The following BAZ2B variants were observed in gnomAD, a reference collection of about 807,000 sequenced individuals.
The protein encoded by BAZ2B is bromodomain adjacent to zinc finger domain protein 2B.
In BAZ2B, 91 loss-of-function variants were observed where a neutral mutation model predicts 246.0. The ratio of observed to expected loss-of-function variants is 0.37; its 90% CI spans 0.31 to 0.44. The LOEUF (loss-of-function observed/expected upper bound fraction) is 0.44. BAZ2B is among the 20% of genes least tolerant of loss of function. The pLI is 1.00. For missense variants in BAZ2B, 2,332 were observed against 2,533.7 expected (o/e 0.92, Z 1.71); for synonymous variants, 855 against 860.0 (o/e 0.99, Z 0.10).
In BAZ2B at chr2:159,397,335, A is replaced by T; in HGVS notation, c.3009+10T>A. ...ACATTCAACAATTGTATAACTATAC[A>T]TATACAGACCTGATGTTTCAGAAGA... is the stretch of plus-strand genomic sequence containing the variant. On this transcript the variant is annotated intron_variant, in intron 19 of 36. Transcript: ENST00000392783. 6.6e-7 allele frequency: 1 copy of T among 1,524,780 alleles called. No homozygotes were observed. The highest frequency in any genetic ancestry group is 9.0e-7 in the Non-Finnish European group (1 of 1,116,840). The allele number at this position is 1,524,780 out of a possible 1,614,324, so 94.5% of individuals were successfully genotyped here.
At chr2:159,589,348 G>C (rs1028468443) in intron 1 of BAZ2B, among the ~76,000 whole-genome samples, 17 of 151,464 alleles carry the variant, frequency 1.1e-4, no homozygotes, top group African/African-American at 3.9e-4. Context: ...AAAATGAGGG[G>C]GCTTTAAAAA....
At chr2:159,359,134 C>G (rs1438874585) in intron 27 of BAZ2B, among the ~76,000 whole-genome samples, 1 of 152,062 alleles carries the variant, frequency 6.6e-6, no homozygotes, top group South Asian at 2.1e-4. Flanking sequence ...GACAGAGACA[C>G]AAAAGGCCCT....
chr2:159,574,001 T>C (rs1250507060), intron 1 of BAZ2B, among the ~76,000 whole-genome samples: 2 of 151,988 alleles, frequency 1.3e-5, no homozygotes, highest in African/African-American at 4.8e-5. Flanking sequence ...CTTGGGTGGC[T>C]GAGGGGGAGG....
At chr2:159,330,628 G>A (rs984297199) in intron 34 of BAZ2B, among the ~76,000 whole-genome samples, 2 of 152,006 alleles carry the variant, frequency 1.3e-5, no homozygotes, top group African/African-American at 4.8e-5. Context: ...GGAGGCTGTA[G>A]TGCGAGGATC....
chr2:159,548,006 A>T (rs933954079), intron 2 of BAZ2B, among the ~76,000 whole-genome samples: 2 of 152,216 alleles, frequency 1.3e-5, no homozygotes, highest in Non-Finnish European at 2.9e-5. Context: ...TTAAAACAGT[A>T]CAACTTCTGA....
chr2:159,386,741 A>G lies in BAZ2B; in HGVS notation c.3217-134T>C, dbSNP rs180692098. 1.0e-5 allele frequency: 11 copies of G among 1,054,400 alleles called. No homozygotes were observed. The African/African-American group carries it at 1.8e-4, about 17-fold the overall frequency. 65.3% of individuals were successfully genotyped at this position (1,054,400 alleles called of 1,614,324 possible). On this transcript the variant is annotated intron_variant, in intron 21 of 36. Coordinates refer to ENST00000392783, the MANE Select transcript of BAZ2B (RefSeq NM_013450.4). ...TATTGTACCAGTAGCTTCCTTTGGG[A>G]TGCTAAATTCTCTGGGGGCATTTCT... is the stretch of plus-strand genomic sequence containing the variant.
chr2:159,539,061 C>T (rs922351527), intron 2 of BAZ2B, among the ~76,000 whole-genome samples: 21 of 152,144 alleles, frequency 1.4e-4, no homozygotes, highest in Non-Finnish European at 3.1e-4. Flanking sequence ...ACGCAGGGGG[C>T]GGAAATCTCC....
the BAZ2B span, among the ~76,000 whole-genome samples, chr2:159,640,724 G>A: frequency 6.6e-6 from 1 of 151,916 alleles, no homozygotes; most frequent in Non-Finnish European, 1.5e-5. Flanking sequence ...ATTTATGGCT[G>A]TAAGTACCTA....
At chr2:159,595,888 T>A (rs1209238460) in intron 1 of BAZ2B, among the ~76,000 whole-genome samples, 1 of 152,238 alleles carries the variant, frequency 6.6e-6, no homozygotes, top group African/African-American at 2.4e-5. Flanking sequence ...TCACTTATGT[T>A]TTCTGTATGT....
chr2:159,710,658 C>T, the BAZ2B span: 1 of 152,184 alleles, frequency 6.6e-6, no homozygotes, highest in Admixed American at 6.5e-5. Flanking sequence ...TCTTTATTTA[C>T]TAGCACCAAT....
chr2:159,568,009 A>AT lies in BAZ2B; in HGVS notation c.-45-12145dup, dbSNP rs527581332. Among the ~76,000 whole-genome samples the AT allele has an allele frequency of 4.6e-5, 7 of 152,208 alleles. No individual in the cohort carries two copies. The East Asian group carries it at 9.6e-4, about 21-fold the overall frequency. On this transcript the variant is annotated intron_variant, in intron 1 of 36. Coordinates refer to ENST00000392783, the MANE Select transcript of BAZ2B (RefSeq NM_013450.4). ...TAAATAAACATAAAAATCACAATAAATTTTTTTGAGATAAAACTCACCATT... is the reference window on the plus strand; with the variant it reads ...TAAATAAACATAAAAATCACAATAAATTTTTTTTGAGATAAAACTCACCATT...
At chr2:159,577,798 G>T (rs562602022) in intron 1 of BAZ2B, among the ~76,000 whole-genome samples, 14 of 152,168 alleles carry the variant, frequency 9.2e-5, no homozygotes, top group African/African-American at 3.4e-4. Flanking sequence ...GAAGGAGAAA[G>T]GCTAAAGAAA....
chr2:159,489,709 C>T (rs2080232547), intron 2 of BAZ2B, among the ~76,000 whole-genome samples: 1 of 151,884 alleles, frequency 6.6e-6, no homozygotes, highest in African/African-American at 2.4e-5. Context: ...TAGAGACCAG[C>T]CTAGGCAAAT....
the BAZ2B span, among the ~76,000 whole-genome samples, chr2:159,647,585 C>G: frequency 6.6e-6 from 1 of 152,172 alleles, no homozygotes; most frequent in South Asian, 2.1e-4. Flanking sequence ...TTAATTGATA[C>G]ACAAAATTAA....
intron 2 of BAZ2B, among the ~76,000 whole-genome samples, chr2:159,501,769 A>T (rs759215064): frequency 6.6e-6 from 1 of 152,232 alleles, no homozygotes; most frequent in Non-Finnish European, 1.5e-5. Context: ...CTAAACATTA[A>T]GAGTTACTGT....
intron 13 of BAZ2B, among the ~76,000 whole-genome samples, chr2:159,421,994 T>C (rs2068846868): frequency 6.6e-6 from 1 of 152,022 alleles, no homozygotes; most frequent in African/African-American, 2.4e-5. Context: ...TTTACAATAA[T>C]AGCCACAAAA....
chr2:159,341,535 C>T (rs1038135568), intron 31 of BAZ2B, among the ~76,000 whole-genome samples: 7 of 152,098 alleles, frequency 4.6e-5, no homozygotes, highest in African/African-American at 9.7e-5. Flanking sequence ...CAAATGGACA[C>T]GTACAGAACA....
At chr2:159,648,959 T>C in the BAZ2B span, among the ~76,000 whole-genome samples, 55 of 152,278 alleles carry the variant, frequency 3.6e-4, 1 homozygote, top group African/African-American at 1.1e-3. Flanking sequence ...ACTCCACATA[T>C]CCCACATCCC....
At chr2:159,375,085 G>A (rs1445529950) in intron 25 of BAZ2B, among the ~76,000 whole-genome samples, 4 of 152,064 alleles carry the variant, frequency 2.6e-5, no homozygotes, top group African/African-American at 7.2e-5. Flanking sequence ...GCTTGTTCCT[G>A]CAGTCCCAGC....
Sources: allele counts gnomAD v4.1 joint callset (sites outside exome capture counted in the v4.1 genomes callset), GRCh38; gene constraint gnomAD v4.1.1; transcripts MANE v1.5; gene names NCBI Gene and HGNC (gene_info 2026-07-23, HGNC 2026-07-21).